Variants in SGK1 observed in about 807,000 individuals in gnomAD.
The protein encoded by SGK1 is serum/glucocorticoid regulated kinase 1, also known as serine/threonine-protein kinase Sgk1.
A neutral mutation model predicts 64.2 loss-of-function variants in SGK1; 26 were observed. The ratio of observed to expected loss-of-function variants is 0.40; its 90% confidence interval spans 0.30 to 0.56. The LOEUF (loss-of-function observed/expected upper bound fraction) is 0.56. Among genes scored for constraint, SGK1 ranks in the 20% least tolerant of loss-of-function variants. The pLI, the probability that SGK1 is intolerant of heterozygous loss-of-function variation, is 0.38. For missense variants in SGK1, 519 were observed against 645.6 expected, an observed-to-expected ratio of 0.80 and a Z score of 2.12; for synonymous variants, 265 against 239.7, an observed-to-expected ratio of 1.11 and a Z score of -0.98.
chr6:134,309,665 C>T (rs559259818), intron 1 of SGK1, among the ~76,000 whole-genome samples: 38 of 152,076 alleles, frequency 2.5e-4, no homozygotes, highest in Non-Finnish European at 5.1e-4. Flanking sequence ...TTTTACCCTG[C>T]GAGCTGAACT....
Position 134,170,028 on chromosome 6 carries a change from T to C in SGK1, c.*240A>G. ...TCCGTCTAAGGCGGCACTCTAACGC[T>C]CGTTTCAGAGATAGCACCACGTTGG... On this transcript the variant is annotated 3_prime_UTR_variant, in exon 14 of 14. Transcript: ENST00000367858. 3.1e-6 allele frequency: 1 copy of C among 321,874 alleles called. No individual in the cohort carries two copies. Among genetic ancestry groups the C allele is most frequent in the South Asian group, 8.0e-5 (1 of 12,450 alleles). 19.9% of individuals were successfully genotyped at this position (321,874 alleles called of 1,614,324 possible).
rs555692828 is a variant in SGK1 at position 134,297,142 on chromosome 6, C to A, written c.69+20250G>T. The A allele has an allele frequency of 1.2e-5, 7 of 592,302 alleles. No individual in the cohort carries two copies. The East Asian group carries it at 2.7e-4, about 23-fold the overall frequency. 36.7% of individuals were successfully genotyped at this position (592,302 alleles called of 1,614,324 possible). A position where few individuals can be genotyped will look rare whatever the true frequency, so the allele number is the denominator to read the frequency against. ...CTGAGGCTGGGACTTGTGAGGCCCC[C>A]ATAGGCTGAGCACAGACCACCTGCA... On this transcript the variant is annotated intron_variant, in intron 1 of 13. Coordinates refer to ENST00000367858, the MANE Select transcript of SGK1 (RefSeq NM_001143676.3).
At chr6:134,223,016 T>C (rs989134898) in intron 2 of SGK1, among the ~76,000 whole-genome samples, 18 of 152,196 alleles carry the variant, frequency 1.2e-4, no homozygotes, top group African/African-American at 4.3e-4. Flanking sequence ...GCAGTGTTTA[T>C]CCACTGGGTA....
At chr6:134,241,782 G>A (rs539388460) in intron 2 of SGK1, among the ~76,000 whole-genome samples, 48 of 151,936 alleles carry the variant, frequency 3.2e-4, no homozygotes, top group Non-Finnish European at 4.4e-5. Context: ...CACCACACCC[G>A]GCTAATTTTT....
chr6:134,252,956 G>A (rs1776627488), intron 2 of SGK1, among the ~76,000 whole-genome samples: 1 of 152,062 alleles, frequency 6.6e-6, no homozygotes, highest in Non-Finnish European at 1.5e-5. Flanking sequence ...AAAGCCATCT[G>A]GCTGATTTAA....
At chr6:134,297,416 T>C (rs1460861370) in intron 1 of SGK1, 2 of 717,284 alleles carry the variant, frequency 2.8e-6, no homozygotes, top group East Asian at 6.5e-5. Flanking sequence ...GCTCGGCATC[T>C]GCGATGGCAG....
chr6:134,214,205 C>T (rs561857524), intron 2 of SGK1, among the ~76,000 whole-genome samples: 2 of 152,080 alleles, frequency 1.3e-5, no homozygotes, highest in Non-Finnish European at 2.9e-5. Context: ...AGGTGTTAGC[C>T]ACCACTCAAG....
rs1775156302 is a variant in SGK1, at chr6:134,174,673, CAA to C, written c.362-89_362-88del. 3 of 1,612,448 alleles carry C rather than the reference CAA, an allele frequency of 1.9e-6. No homozygotes were observed. The East Asian group carries it at 6.7e-5, about 36-fold the overall frequency. ...ACACACTAATCTGATCCGGGACTTT[CAA>C]AAAATTTCCACTTTGCGTCTCCTGG... On this transcript the variant is annotated intron_variant, in intron 3 of 13. Transcript: ENST00000367858.
chr6:134,288,757 C>A (rs1326274109), intron 1 of SGK1, among the ~76,000 whole-genome samples: 2 of 152,066 alleles, frequency 1.3e-5, no homozygotes, highest in East Asian at 3.9e-4. Flanking sequence ...ATAATATTTT[C>A]TTTGTGATAC....
intron 2 of SGK1, among the ~76,000 whole-genome samples, chr6:134,234,965 G>GA (rs1157218739): frequency 1.3e-5 from 2 of 151,930 alleles, no homozygotes; most frequent in East Asian, 1.9e-4. Context: ...TCAAGTATTG[G>GA]AAAAAAAGAC....
At chr6:134,289,322 T>C (rs1188172195) in intron 1 of SGK1, among the ~76,000 whole-genome samples, 1 of 152,272 alleles carries the variant, frequency 6.6e-6, no homozygotes, top group African/African-American at 2.4e-5. Flanking sequence ...TCATTGATTC[T>C]TCCACTATGA....
At chr6:134,179,164 AT>A (rs1280329272) in intron 3 of SGK1, among the ~76,000 whole-genome samples, 2 of 152,136 alleles carry the variant, frequency 1.3e-5, no homozygotes, top group African/African-American at 2.4e-5. Flanking sequence ...GGACTTAACC[AT>A]ATTCACTCTT....
intron 2 of SGK1, among the ~76,000 whole-genome samples, chr6:134,253,448 G>A (rs1208233227): frequency 1.3e-5 from 2 of 151,914 alleles, no homozygotes; most frequent in Non-Finnish European, 2.9e-5. Flanking sequence ...TCAGGAGTTC[G>A]AAACCAGACT....
rs528125570 is a variant in SGK1 at position 134,203,089 on chromosome 6, C to A, written c.361+4267G>T. ...TGAAACCCCGTCTCTACTAAAAATA[C>A]AAAAATTAGCCAGGCGTGGTGGCAC... On this transcript the variant is annotated intron_variant, in intron 3 of 13. Transcript: ENST00000367858. Among the ~76,000 whole-genome samples the A allele has an allele frequency of 1.8e-4, 27 of 152,006 alleles. No individual in the cohort carries two copies. In the South Asian group the frequency reaches 5.6e-3, roughly 32 times the overall value.
chr6:134,199,888 C>T (rs1775655264), intron 3 of SGK1, among the ~76,000 whole-genome samples: 1 of 152,148 alleles, frequency 6.6e-6, no homozygotes, highest in Non-Finnish European at 1.5e-5. Context: ...TCTTACCTGG[C>T]AAAACCAGTG....
At chr6:134,179,719 A>G (rs1427787668) in intron 3 of SGK1, among the ~76,000 whole-genome samples, 1 of 152,222 alleles carries the variant, frequency 6.6e-6, no homozygotes, top group Non-Finnish European at 1.5e-5. Context: ...CATAGTGTTA[A>G]AAGTTATTAA....
chr6:134,298,495 C>T, intron 1 of SGK1: 1 of 808,520 alleles, frequency 1.2e-6, no homozygotes, highest in Admixed American at 1.7e-5. Context: ...CTCTGGTTGA[C>T]TGTGACGGCA....
At chr6:134,250,305 A>G (rs1036872695) in intron 2 of SGK1, among the ~76,000 whole-genome samples, 3 of 152,230 alleles carry the variant, frequency 2.0e-5, no homozygotes, top group Non-Finnish European at 4.4e-5. Flanking sequence ...CTCAAGGTCG[A>G]TAAGAAAAGC....
chr6:134,216,959 CAT>C (rs1775996509), intron 2 of SGK1, among the ~76,000 whole-genome samples: 1 of 152,142 alleles, frequency 6.6e-6, no homozygotes, highest in Non-Finnish European at 1.5e-5. Flanking sequence ...GTGCAAGACT[CAT>C]GGGCGAAATC....
Sources: allele counts gnomAD v4.1 joint callset (sites outside exome capture counted in the v4.1 genomes callset), GRCh38; gene constraint gnomAD v4.1.1; transcripts MANE v1.5; gene names NCBI Gene and HGNC (gene_info 2026-07-23, HGNC 2026-07-21).